The following CDC42SE2 variants were observed in gnomAD, a reference collection of about 807,000 sequenced individuals.
CDC42SE2 encodes the protein CDC42 small effector 2.
Under a neutral mutation model 11.5 loss-of-function variants are expected in CDC42SE2, and 3 were observed. The observed-to-expected ratio is 0.26, with a 90% CI of 0.12 to 0.67. CDC42SE2 has a LOEUF of 0.67. Among genes scored for constraint, CDC42SE2 ranks in the 30% least tolerant of loss-of-function variants. The pLI, the probability that CDC42SE2 is intolerant of heterozygous loss-of-function variation, is 0.80. For missense variants in CDC42SE2, 82 were observed against 106.8 expected, an observed-to-expected ratio of 0.77 and a Z score of 1.02; for synonymous variants, 33 against 34.8, an observed-to-expected ratio of 0.95 and a Z score of 0.18.
the CDC42SE2 span, among the ~76,000 whole-genome samples, chr5:131,210,788 T>G: frequency 6.6e-6 from 1 of 152,342 alleles, no homozygotes; most frequent in African/African-American, 2.4e-5. Context: ...TGTGCATCAA[T>G]TCTAGAAATT....
chr5:131,289,672 CAA>C (rs777148248), intron 1 of CDC42SE2, among the ~76,000 whole-genome samples: 24 of 105,510 alleles, frequency 2.3e-4, no homozygotes, highest in East Asian at 1.6e-3. Flanking sequence ...GACTCTGTCT[CAA>C]AAAAAAAAAA....
chr5:131,314,636 CTTAT>C (rs1758003185), intron 1 of CDC42SE2, among the ~76,000 whole-genome samples: 1 of 152,134 alleles, frequency 6.6e-6, no homozygotes, highest in African/African-American at 2.4e-5. Flanking sequence ...CCTTCCTAGA[CTTAT>C]TTATTCTATT....
At chr5:131,270,941 A>G (rs1316708338) in intron 1 of CDC42SE2, among the ~76,000 whole-genome samples, 1 of 151,914 alleles carries the variant, frequency 6.6e-6, no homozygotes, top group Admixed American at 6.6e-5. Flanking sequence ...GAGAAAAGAT[A>G]TAGGGGGGAA....
chr5:131,384,740 G>A (rs1208888637), intron 3 of CDC42SE2, among the ~76,000 whole-genome samples: 1 of 152,000 alleles, frequency 6.6e-6, no homozygotes, highest in Non-Finnish European at 1.5e-5. Flanking sequence ...GGTGGCTAAA[G>A]TTACTGGAAA....
chr5:131,390,085 C>T (rs189632161), intron 4 of CDC42SE2, among the ~76,000 whole-genome samples: 2 of 152,250 alleles, frequency 1.3e-5, no homozygotes, highest in African/African-American at 2.4e-5. Flanking sequence ...GCAATGTGGT[C>T]GGGAGAGATT....
At chr5:131,282,645 T>G (rs558142590) in intron 1 of CDC42SE2, among the ~76,000 whole-genome samples, 1 of 152,194 alleles carries the variant, frequency 6.6e-6, no homozygotes, top group East Asian at 1.9e-4. Context: ...ATTATTATTA[T>G]TGAGATGGAA....
chr5:131,240,640 T>C (rs1467788941), upstream of CDC42SE2, among the ~76,000 whole-genome samples: 1 of 152,228 alleles, frequency 6.6e-6, no homozygotes, highest in East Asian at 1.9e-4. Context: ...TTGCAGCCTC[T>C]GGTTTATAAA....
intron 1 of CDC42SE2, among the ~76,000 whole-genome samples, chr5:131,283,643 G>A (rs1285489318): frequency 1.3e-5 from 2 of 151,822 alleles, no homozygotes; most frequent in Non-Finnish European, 2.9e-5. Flanking sequence ...GCAGGCCTGT[G>A]CCACCATGCC....
At chr5:131,366,553 T>C (rs563426222) in intron 3 of CDC42SE2, among the ~76,000 whole-genome samples, 2 of 152,304 alleles carry the variant, frequency 1.3e-5, no homozygotes, top group East Asian at 3.9e-4. Flanking sequence ...TTGGAGGGTT[T>C]TTTTTGTTTG....
intron 2 of CDC42SE2, among the ~76,000 whole-genome samples, chr5:131,334,512 A>C (rs565270399): frequency 6.6e-6 from 1 of 151,802 alleles, no homozygotes; most frequent in African/African-American, 2.4e-5. Flanking sequence ...CTCTTTTTCT[A>C]TTGATTGGAA....
chr5:131,256,705 C>T (rs1401164302), intron 2 of CDC42SE2, among the ~76,000 whole-genome samples: 1 of 152,216 alleles, frequency 6.6e-6, no homozygotes, highest in Non-Finnish European at 1.5e-5. Context: ...CCACTTTCTG[C>T]TCCTAGAGCC....
At chr5:131,231,086 C>T in the CDC42SE2 span, among the ~76,000 whole-genome samples, 1 of 152,122 alleles carries the variant, frequency 6.6e-6, no homozygotes, top group Non-Finnish European at 1.5e-5. Context: ...TTTTCTTTCT[C>T]CTTGCTGTCT....
chr5:131,365,996 A>G (rs1348441124), intron 3 of CDC42SE2, among the ~76,000 whole-genome samples: 1 of 152,152 alleles, frequency 6.6e-6, no homozygotes, highest in East Asian at 1.9e-4. Context: ...AAAGAGAAGA[A>G]TATTAGCCTT....
intron 2 of CDC42SE2, among the ~76,000 whole-genome samples, chr5:131,337,019 G>A (rs191235028): frequency 8.5e-5 from 13 of 152,298 alleles, no homozygotes; most frequent in South Asian, 2.1e-4. Flanking sequence ...GAGGAGCTGC[G>A]TTCCTTTGGA....
At chr5:131,212,056 T>C in the CDC42SE2 span, among the ~76,000 whole-genome samples, 2 of 152,048 alleles carry the variant, frequency 1.3e-5, no homozygotes, top group African/African-American at 4.8e-5. Context: ...ATTTATTTAA[T>C]TAAATTTAAA....
chr5:131,391,442 TGG>T lies in CDC42SE2; in HGVS notation c.*353_*354del, dbSNP rs1750649143. The stretch of plus-strand genomic sequence containing the variant: ...ATCCCAGCACTTTGGGAGGCCTAGG[TGG>T]GCTGATCACCTGAGGCCAGGAATTG... On this transcript the variant is annotated 3_prime_UTR_variant, in exon 5 of 5. Coordinates refer to ENST00000505065, the MANE Select transcript of CDC42SE2 (RefSeq NM_001375635.1). 1 of 153,472 alleles carries T rather than the reference TGG, an allele frequency of 6.5e-6. No individual in the cohort carries two copies. The highest frequency in any genetic ancestry group is 1.4e-5 in the Non-Finnish European group (1 of 69,120). The allele number at this position is 153,472 out of a possible 1,614,324, so 9.5% of individuals were successfully genotyped here. A position where few individuals can be genotyped will look rare whatever the true frequency, so the allele number is the denominator to read the frequency against.
At chr5:131,264,407 A>G (rs1561564565) in intron 1 of CDC42SE2, among the ~76,000 whole-genome samples, 2 of 152,108 alleles carry the variant, frequency 1.3e-5, no homozygotes, top group African/African-American at 4.8e-5. Flanking sequence ...CCTCTGAGGA[A>G]TGGTTACACG....
At chr5:131,366,377 A>G (rs995955511) in intron 3 of CDC42SE2, among the ~76,000 whole-genome samples, 1 of 152,236 alleles carries the variant, frequency 6.6e-6, no homozygotes, top group South Asian at 2.1e-4. Context: ...GCTAGTGTCC[A>G]TAGCATTCGG....
At chr5:131,269,574 G>A (rs1756949106) in intron 1 of CDC42SE2, among the ~76,000 whole-genome samples, 1 of 151,362 alleles carries the variant, frequency 6.6e-6, no homozygotes, top group African/African-American at 2.4e-5. Flanking sequence ...TTCGAGACCA[G>A]CCTGGCCTAT....
Sources: gnomAD v4.1 joint callset for allele counts (sites outside exome capture counted in the v4.1 genomes callset) on GRCh38, gnomAD v4.1.1 for gene constraint, MANE v1.5 for transcripts, NCBI Gene and HGNC (gene_info 2026-07-23, HGNC 2026-07-21) for gene names.